ZNRF2: variants seen among roughly 807,000 people sequenced by gnomAD.
ZNRF2 encodes E3 ubiquitin-protein ligase ZNRF2.
In ZNRF2, 16 loss-of-function variants were observed where a neutral mutation model predicts 20.4. The ratio of observed to expected loss-of-function variants is 0.79; its 90% CI spans 0.53 to 1.19. The LOEUF (loss-of-function observed/expected upper bound fraction) is 1.19, where lower values mean the gene tolerates loss of function less well. Among genes scored for constraint, ZNRF2 ranks in the 50% most tolerant of loss-of-function variants. ZNRF2 has a pLI of 0.00. For synonymous variants in ZNRF2, 178 were observed against 144.9 expected, an observed-to-expected ratio of 1.23 and a Z score of -1.64; for missense variants, 363 against 332.4, an observed-to-expected ratio of 1.09 and a Z score of -0.72.
intron 1 of ZNRF2, among the ~76,000 whole-genome samples, chr7:30,316,288 CAAAAA>C (rs60218988): frequency 2.8e-3 from 76 of 27,478 alleles, no homozygotes; most frequent in Non-Finnish European, 5.4e-3. Context: ...AACTCCATCT[CAAAAA>C]AAAAAAAAAA....
At chr7:30,326,969 T>C (rs1799562753) in intron 2 of ZNRF2, among the ~76,000 whole-genome samples, 1 of 152,220 alleles carries the variant, frequency 6.6e-6, no homozygotes, top group African/African-American at 2.4e-5. Context: ...GCACATTTTT[T>C]CATGGGGTTG....
rs1798742124 is a variant in ZNRF2 at position 30,284,879 on chromosome 7, G to A, written c.-479G>A. The A allele has an allele frequency of 4.3e-6, 1 of 230,482 alleles. No homozygotes were observed. The highest frequency in any genetic ancestry group is 2.4e-5 in the African/African-American group (1 of 41,788). 14.3% of individuals were successfully genotyped at this position (230,482 alleles called of 1,614,324 possible). On this transcript the variant is annotated 5_prime_UTR_variant, in exon 1 of 5. Coordinates refer to ENST00000323037, the MANE Select transcript of ZNRF2 (RefSeq NM_147128.4). Reference sequence around the variant, plus strand: ...GGGAGGAGGGAAGGTGGCCCCGGCGGAGTCTGGGCGGGCGCCTCCCACTCA... The same window carrying A: ...GGGAGGAGGGAAGGTGGCCCCGGCGAAGTCTGGGCGGGCGCCTCCCACTCA...
intron 3 of ZNRF2, among the ~76,000 whole-genome samples, chr7:30,356,987 A>G (rs992363862): frequency 6.6e-6 from 1 of 152,080 alleles, no homozygotes; most frequent in Non-Finnish European, 1.5e-5. Context: ...ATAACATTCT[A>G]TTTTTATGTA....
rs373004848 is a variant in ZNRF2 at position 30,302,364 on chromosome 7, T to G, written c.469+16538T>G. Among the ~76,000 whole-genome samples, 26 of 152,310 alleles carry G rather than the reference T, an allele frequency of 1.7e-4. No individual in the cohort carries two copies. The East Asian group carries it at 4.6e-3, about 27-fold the overall frequency. On this transcript the variant is annotated intron_variant, in intron 1 of 4. Coordinates refer to ENST00000323037, the MANE Select transcript of ZNRF2 (RefSeq NM_147128.4). ...ATCTTATTTTTCTTTGTTTACTTAT[T>G]CATTTAGTCAAAAAATAATTCAGCG...
chr7:30,338,733 C>G (rs1799754279), intron 2 of ZNRF2, among the ~76,000 whole-genome samples: 2 of 152,234 alleles, frequency 1.3e-5, no homozygotes, highest in South Asian at 4.1e-4. Context: ...CTGCAATAAA[C>G]ATACCTGTGA....
intron 1 of ZNRF2, among the ~76,000 whole-genome samples, chr7:30,312,673 ATTCC>A (rs1463036403): frequency 6.6e-6 from 1 of 152,178 alleles, no homozygotes; most frequent in Non-Finnish European, 1.5e-5. Context: ...TTTTAAAATT[ATTCC>A]TTATGTTTTT....
chr7:30,353,342 A>G (rs1359459173), intron 2 of ZNRF2, among the ~76,000 whole-genome samples: 1 of 152,044 alleles, frequency 6.6e-6, no homozygotes, highest in East Asian at 1.9e-4. Context: ...TGTGTTCGGG[A>G]TGTTTTTGTA....
chr7:30,285,200 C>A lies in ZNRF2; in HGVS notation c.-158C>A. On this transcript the variant is annotated 5_prime_UTR_variant, in exon 1 of 5. Coordinates refer to ENST00000323037, the MANE Select transcript of ZNRF2 (RefSeq NM_147128.4). ...GCCCCAAGAAGAGCGCGCCGGGCGC[C>A]GACTGCCCCTCTGGACGCCGGGCGG... 4.0e-6 allele frequency: 2 copies of A among 497,336 alleles called. No individual in the cohort carries two copies. The highest frequency in any genetic ancestry group is 6.3e-6 in the Non-Finnish European group (2 of 317,940). The allele number at this position is 497,336 out of a possible 1,614,324, so 30.8% of individuals were successfully genotyped here. A position where few individuals can be genotyped will look rare whatever the true frequency, so the allele number is the denominator to read the frequency against.
At chr7:30,330,769 T>TAA (rs796187971) in intron 2 of ZNRF2, among the ~76,000 whole-genome samples, 1,471 of 145,050 alleles carry the variant, frequency 0.01, 22 homozygotes, top group African/African-American at 0.034. Context: ...TAACTGAAGT[T>TAA]AAAAAAAAAA....
intron 1 of ZNRF2, among the ~76,000 whole-genome samples, chr7:30,317,846 A>G (rs1447503675): frequency 6.6e-6 from 1 of 152,186 alleles, no homozygotes; most frequent in Non-Finnish European, 1.5e-5. Context: ...CAGAGATGGA[A>G]TGACAGCTTC....
chr7:30,308,794 G>A (rs1296865210), intron 1 of ZNRF2, among the ~76,000 whole-genome samples: 2 of 151,984 alleles, frequency 1.3e-5, no homozygotes, highest in East Asian at 3.9e-4. Context: ...TATTTTCTGA[G>A]TTACTTTTAA....
intron 2 of ZNRF2, among the ~76,000 whole-genome samples, chr7:30,326,776 T>C (rs1799559321): frequency 6.6e-6 from 1 of 152,228 alleles, no homozygotes; most frequent in Non-Finnish European, 1.5e-5. Flanking sequence ...TGTTCCTTTT[T>C]CTCTGCAGCC....
At chr7:30,300,017 CT>C (rs1799085854) in intron 1 of ZNRF2, among the ~76,000 whole-genome samples, 2 of 152,104 alleles carry the variant, frequency 1.3e-5, no homozygotes, top group South Asian at 4.1e-4. Context: ...ATCTCCTGAC[CT>C]CGTGATGTGC....
intron 4 of ZNRF2, among the ~76,000 whole-genome samples, chr7:30,363,914 A>G (rs1030296015): frequency 1.9e-4 from 29 of 152,212 alleles, no homozygotes; most frequent in Non-Finnish European, 3.4e-4. Context: ...ATCAAGGCAG[A>G]GCATTTTAGC....
intron 1 of ZNRF2, among the ~76,000 whole-genome samples, chr7:30,299,977 GT>G (rs758163305): frequency 7.3e-5 from 11 of 151,282 alleles, no homozygotes; most frequent in Non-Finnish European, 1.0e-4. Flanking sequence ...TAGAGACGGG[GT>G]TTTCACTGTG....
chr7:30,345,843 C>T (rs1447922569), intron 2 of ZNRF2, among the ~76,000 whole-genome samples: 1 of 152,088 alleles, frequency 6.6e-6, no homozygotes, highest in Non-Finnish European at 1.5e-5. Flanking sequence ...CAGAATATTG[C>T]TTTTGTTTCA....
intron 1 of ZNRF2, among the ~76,000 whole-genome samples, chr7:30,305,884 C>A (rs919126462): frequency 1.3e-5 from 2 of 152,098 alleles, no homozygotes; most frequent in African/African-American, 4.8e-5. Context: ...ATACATGTTT[C>A]TAGCACTTAT....
intron 2 of ZNRF2, among the ~76,000 whole-genome samples, chr7:30,337,373 T>C (rs1799732365): frequency 6.6e-6 from 1 of 152,184 alleles, no homozygotes; most frequent in Admixed American, 6.5e-5. Flanking sequence ...TCCTACAGAA[T>C]ATATGAGACT....
At chr7:30,288,426 A>G (rs940049157) in intron 1 of ZNRF2, among the ~76,000 whole-genome samples, 1 of 152,198 alleles carries the variant, frequency 6.6e-6, no homozygotes, top group African/African-American at 2.4e-5. Context: ...GTGAGCTCTC[A>G]TGTAATTTAT....
Sources: gnomAD v4.1 joint callset for allele counts (sites outside exome capture counted in the v4.1 genomes callset) on GRCh38, gnomAD v4.1.1 for gene constraint, MANE v1.5 for transcripts, NCBI Gene and HGNC (gene_info 2026-07-23, HGNC 2026-07-21) for gene names.